Variants in A2ML1 observed in about 807,000 individuals in gnomAD.
A2ML1 encodes the protein alpha-2-macroglobulin like 1, also known as alpha-2-macroglobulin-like protein 1.
A neutral mutation model predicts 181.9 loss-of-function variants in A2ML1; 161 were observed. The ratio of observed to expected loss-of-function variants is 0.89; its 90% CI spans 0.78 to 1.01. A2ML1 has a LOEUF of 1.01. Among genes scored for constraint, A2ML1 ranks in the 50% least tolerant of loss-of-function variants. The probability of loss-of-function intolerance (pLI) is 0.00; values close to 1 mark genes in which losing one functional copy is unlikely to be tolerated. For synonymous variants in A2ML1, 663 were observed against 666.8 expected (o/e 0.99, Z 0.09); for missense variants, 1,670 against 1,768.1 (o/e 0.94, Z 1.00).
rs1298520524 is a variant in A2ML1, at chr12:8,872,116, T to C, written c.4222-2309T>C. On this transcript the variant is annotated intron_variant, in intron 33 of 35. Transcript: ENST00000299698. ...ATGGCGTGAACCTGGGAGGCAGAGC[T>C]TGCAGTGAGCCGAGATTGCGCCACT... 2.6e-5 allele frequency among the ~76,000 whole-genome samples: 4 copies of C among 151,636 alleles called. No individual in the cohort carries two copies. In the South Asian group the frequency reaches 8.3e-4, roughly 32 times the overall value.
At chr12:8,849,012 C>A in intron 16 of A2ML1, 98 bp downstream of exon 16, 1 of 1,314,218 alleles carries the variant, frequency 7.6e-7, no homozygotes, top group Non-Finnish European at 1.0e-6. Flanking sequence ...CTCATATGGG[C>A]ACTGATGGGA....
chr12:8,833,632 G>A (rs747149511), intron 4 of A2ML1, among the ~76,000 whole-genome samples: 7 of 152,168 alleles, frequency 4.6e-5, no homozygotes, highest in African/African-American at 1.7e-4. Context: ...CTAACCTCAG[G>A]TGATCCAACC....
intron 15 of A2ML1, 113 bp from the exon 16 acceptor site, chr12:8,848,607 G>C: frequency 1.3e-6 from 1 of 794,698 alleles, no homozygotes; most frequent in Non-Finnish European, 1.9e-6. Context: ...TAATTCTGAA[G>C]TAATAAAGAG....
At chr12:8,834,548 G>T (rs1565465779) in intron 4 of A2ML1, 114 bp from the exon 5 acceptor site, 1 of 1,309,682 alleles carries the variant, frequency 7.6e-7, no homozygotes, top group Non-Finnish European at 1.1e-6. Context: ...AGGAAGAAAT[G>T]AAGAAATGGG....
At chr12:8,840,737 G>A (rs1411652287) in intron 10 of A2ML1, among the ~76,000 whole-genome samples, 1 of 151,724 alleles carries the variant, frequency 6.6e-6, no homozygotes, top group Non-Finnish European at 1.5e-5. Context: ...GTGAAAACCC[G>A]TCCCTGCTAA....
chr12:8,829,576 G>T, intron 3 of A2ML1, 151 bp from the exon 4 acceptor site: 2 of 701,886 alleles, frequency 2.8e-6, no homozygotes, highest in Non-Finnish European at 4.8e-6. Context: ...AATCACTTGA[G>T]CCCAGGAGTT....
chr12:8,843,115 C>A lies in A2ML1; in HGVS notation c.1249-19C>A. 6.2e-7 allele frequency: 1 copy of A among 1,608,246 alleles called. No homozygotes were observed. Among genetic ancestry groups the A allele is most frequent in the Non-Finnish European group, 8.5e-7 (1 of 1,174,920 alleles). On this transcript the variant is annotated intron_variant, in intron 11 of 35. Coordinates refer to ENST00000299698, the MANE Select transcript of A2ML1 (RefSeq NM_144670.6). ...GTTGGAGCACATGCTAAAATTCTCTCTCTCTCTTTTATTCTCAGGGAAAGT... is the reference window on the plus strand; with the variant it reads ...GTTGGAGCACATGCTAAAATTCTCTATCTCTCTTTTATTCTCAGGGAAAGT...
chr12:8,878,464 C>T (rs1021829582), downstream of A2ML1, among the ~76,000 whole-genome samples: 1 of 152,018 alleles, frequency 6.6e-6, no homozygotes, highest in Non-Finnish European at 1.5e-5. The surrounding 1 kb of genome is among the most constrained non-coding windows in gnomAD (Gnocchi z 4.4). Context: ...CACATAGACA[C>T]AAAGATAGAA....
intron 7 of A2ML1, 35 bp downstream of exon 7, chr12:8,836,374 A>G (rs776997039): frequency 8.9e-6 from 14 of 1,570,742 alleles, no homozygotes; most frequent in Non-Finnish European, 1.1e-5. Flanking sequence ...GTGGAGATTA[A>G]AGATGCATCG....
chr12:8,840,719 C>A (rs894736530), intron 10 of A2ML1, among the ~76,000 whole-genome samples: 16 of 151,792 alleles, frequency 1.1e-4, no homozygotes, highest in African/African-American at 3.4e-4. Context: ...ACCAGCCTGA[C>A]CAACATGGTG....
At chr12:8,838,648 C>T (rs1438166211) in intron 9 of A2ML1, among the ~76,000 whole-genome samples, 198 bp downstream of exon 9, 1 of 151,848 alleles carries the variant, frequency 6.6e-6, no homozygotes, top group Non-Finnish European at 1.5e-5. Context: ...CATGGTGGCT[C>T]ACGCCTGTAA....
At chr12:8,847,363 G>A (rs756991989) in intron 14 of A2ML1, among the ~76,000 whole-genome samples, 186 bp from the exon 15 acceptor site, 44 of 151,612 alleles carry the variant, frequency 2.9e-4, no homozygotes, top group Admixed American at 1.9e-3. Context: ...TGCTGCTCAC[G>A]TTTCCCAACT....
rs193243162 is a variant in A2ML1 at position 8,868,677 on chromosome 12, G to A, written c.4152+50G>A. 50 of 1,538,704 alleles carry A rather than the reference G, an allele frequency of 3.2e-5. No homozygotes were observed. The East Asian group carries it at 6.3e-4, about 19-fold the overall frequency. ...TTATCTAGCTGTGAGGGGACCTAAC[G>A]TTATAATTTAAAAAACTGGTAAAAT... is the stretch of plus-strand genomic sequence containing the variant. On this transcript the variant is annotated intron_variant, in intron 32 of 35. Transcript: ENST00000299698.
intron 33 of A2ML1, among the ~76,000 whole-genome samples, chr12:8,872,144 A>T (rs1263340435): frequency 6.6e-6 from 1 of 150,542 alleles, no homozygotes; most frequent in East Asian, 1.9e-4. Context: ...GCGCCACTGC[A>T]CTCCAGCCTG....
chr12:8,830,538 T>C (rs191329960), intron 4 of A2ML1: 1 of 152,228 alleles, frequency 6.6e-6, no homozygotes, highest in Non-Finnish European at 1.5e-5. Flanking sequence ...GCTTAAAATG[T>C]AGCAACATTT....
chr12:8,842,507 C>T (rs1263162180), intron 11 of A2ML1, among the ~76,000 whole-genome samples: 4 of 152,172 alleles, frequency 2.6e-5, no homozygotes. Context: ...GCGTGAGCCA[C>T]CGCGCCCGGC....
intron 7 of A2ML1, among the ~76,000 whole-genome samples, chr12:8,885,413 A>T (rs1448157575): frequency 6.6e-6 from 1 of 152,124 alleles, no homozygotes; most frequent in Non-Finnish European, 1.5e-5. Flanking sequence ...GGGTCAAAAA[A>T]TGCTTTCCTT....
chr12:8,853,310 C>T (rs776521933), intron 20 of A2ML1, among the ~76,000 whole-genome samples: 2 of 152,222 alleles, frequency 1.3e-5, no homozygotes. Flanking sequence ...ATCCTCACCC[C>T]CAACCCTATG....
chr12:8,827,492 T>C (rs1942967653), intron 3 of A2ML1, among the ~76,000 whole-genome samples: 2 of 152,268 alleles, frequency 1.3e-5, no homozygotes, highest in African/African-American at 4.8e-5. Flanking sequence ...GATAAGATTC[T>C]GAATTCTTTC....
Sources: allele counts gnomAD v4.1 joint callset (sites outside exome capture counted in the v4.1 genomes callset), GRCh38; gene constraint gnomAD v4.1.1; non-coding constraint Gnocchi (gnomAD v3.1); transcripts MANE v1.5; gene names NCBI Gene and HGNC (gene_info 2026-07-23, HGNC 2026-07-21).